The following LRBA variants were observed in gnomAD, a reference collection of about 807,000 sequenced individuals.
LRBA encodes the protein LPS responsive beige-like anchor protein.
A neutral mutation model predicts 330.0 loss-of-function variants in LRBA; 176 were observed. The ratio of observed to expected loss-of-function variants is 0.53; its 90% CI spans 0.47 to 0.60. LRBA has a LOEUF of 0.60. Among genes scored for constraint, LRBA ranks in the 20% least tolerant of loss-of-function variants. The pLI is 0.00. For missense variants in LRBA, 3,259 were observed against 3,444.8 expected (o/e 0.95, Z 1.35); for synonymous variants, 1,230 against 1,193.0 (o/e 1.03, Z -0.64).
intron 39 of LRBA, among the ~76,000 whole-genome samples, 175 bp downstream of exon 39, chr4:150,590,538 T>C (rs1003182402): frequency 6.6e-6 from 1 of 152,062 alleles, no homozygotes; most frequent in African/African-American, 2.4e-5. Context: ...GAAGACTGAA[T>C]AGAATAGAAA....
chr4:150,661,121 G>C (rs1416452006), intron 37 of LRBA, among the ~76,000 whole-genome samples: 1 of 144,246 alleles, frequency 6.9e-6, no homozygotes, highest in Non-Finnish European at 1.5e-5. Context: ...GAGGGTTACA[G>C]TGTATACCCT....
At chr4:150,812,918 T>C (rs1260558977) in intron 31 of LRBA, among the ~76,000 whole-genome samples, 4 of 151,758 alleles carry the variant, frequency 2.6e-5, no homozygotes, top group African/African-American at 2.4e-5. Flanking sequence ...AGAAGGGATA[T>C]GGGTGAAAGT....
intron 35 of LRBA, among the ~76,000 whole-genome samples, chr4:150,760,859 A>G (rs1461886792): frequency 2.0e-5 from 3 of 152,204 alleles, no homozygotes; most frequent in Non-Finnish European, 4.4e-5. Flanking sequence ...TTTCTGAAGG[A>G]AAGGATTTTA....
At chr4:150,658,507 CT>C (rs537133232) in intron 37 of LRBA, among the ~76,000 whole-genome samples, 11 of 512 alleles carry the variant, frequency 0.021, no homozygotes, top group East Asian at 0.5. Flanking sequence ...AAATAAAAGT[CT>C]CCCTCTCCCT....
chr4:150,906,249 A>G (rs781213062), intron 12 of LRBA, 48 bp downstream of exon 12: 5 of 1,187,192 alleles, frequency 4.2e-6, no homozygotes, highest in South Asian at 3.9e-5. Flanking sequence ...GAACAAATGT[A>G]TGGCCTGTAA....
chr4:150,294,727 G>A lies in LRBA; in HGVS notation c.8017+7898C>T, dbSNP rs561109335. On this transcript the variant is annotated intron_variant, in intron 53 of 56. Transcript: ENST00000651943. ...AGCACTTTGGGAGGCCAAGGTGGGC[G>A]GATCACAAGGTCAGGAGATTGAGAC... Among the ~76,000 whole-genome samples, 33 of 152,232 alleles carry A rather than the reference G, an allele frequency of 2.2e-4. No homozygotes were observed. The East Asian group carries it at 5.4e-3, about 25-fold the overall frequency.
At chr4:150,299,373 A>G (rs138290882) in intron 53 of LRBA, among the ~76,000 whole-genome samples, 1 of 152,214 alleles carries the variant, frequency 6.6e-6, no homozygotes, top group African/African-American at 2.4e-5. Flanking sequence ...CAAAGATGAA[A>G]AACTATCTGG....
At chr4:150,674,890 CAAG>C (rs1281386724) in intron 37 of LRBA, among the ~76,000 whole-genome samples, 2 of 151,844 alleles carry the variant, frequency 1.3e-5, no homozygotes, top group East Asian at 1.9e-4. Context: ...GAAAAAACCA[CAAG>C]AACAAAAACC....
intron 36 of LRBA, among the ~76,000 whole-genome samples, chr4:150,705,625 T>C (rs927900920): frequency 6.6e-6 from 1 of 151,834 alleles, no homozygotes; most frequent in African/African-American, 2.4e-5. Context: ...TCTGGCAAGA[T>C]TAAAGAAAAA....
At chr4:150,547,665 G>A (rs1400347954) in intron 40 of LRBA, among the ~76,000 whole-genome samples, 1 of 152,040 alleles carries the variant, frequency 6.6e-6, no homozygotes, top group East Asian at 1.9e-4. Flanking sequence ...TTGGGAGCAG[G>A]GTGGTGTATA....
intron 40 of LRBA, among the ~76,000 whole-genome samples, chr4:150,561,180 C>A (rs1196906586): frequency 1.3e-5 from 2 of 152,124 alleles, no homozygotes; most frequent in South Asian, 2.1e-4. Flanking sequence ...TAATTTAAAT[C>A]TGTTCTTAAT....
At chr4:150,805,592 A>AG (rs1742645362) in intron 33 of LRBA, among the ~76,000 whole-genome samples, 1 of 135,908 alleles carries the variant, frequency 7.4e-6, no homozygotes, top group African/African-American at 3.1e-5. Context: ...AAAGGAAAGG[A>AG]AAGGAAAGGA....
chr4:150,422,606 C>T (rs1223100130), intron 46 of LRBA: 1 of 568,746 alleles, frequency 1.8e-6, no homozygotes, highest in Non-Finnish European at 3.2e-6. Flanking sequence ...CATCAGGTTC[C>T]CCAAGGGACA....
At chr4:150,702,527 A>G (rs1434151420) in intron 36 of LRBA, among the ~76,000 whole-genome samples, 1 of 152,190 alleles carries the variant, frequency 6.6e-6, no homozygotes, top group African/African-American at 2.4e-5. Context: ...AAAATATTAC[A>G]AGCTACAGAT....
At chr4:150,883,005 C>T (rs1728568309) in intron 17 of LRBA, among the ~76,000 whole-genome samples, 1 of 152,194 alleles carries the variant, frequency 6.6e-6, no homozygotes, top group African/African-American at 2.4e-5. Context: ...TTACTGATGA[C>T]TATGACACAG....
chr4:150,871,067 A>G (rs1753379800), intron 19 of LRBA, among the ~76,000 whole-genome samples: 1 of 152,004 alleles, frequency 6.6e-6, no homozygotes, highest in African/African-American at 2.4e-5. Flanking sequence ...AACACAGCAA[A>G]ACCCGTCACT....
At chr4:150,997,074 T>C (rs1742738499) in intron 2 of LRBA, among the ~76,000 whole-genome samples, 1 of 152,210 alleles carries the variant, frequency 6.6e-6, no homozygotes, top group African/African-American at 2.4e-5. Flanking sequence ...AAGTTCAGGA[T>C]ACATGTGGCA....
chr4:150,902,286 G>T (rs1382381849), intron 13 of LRBA, among the ~76,000 whole-genome samples: 5 of 152,154 alleles, frequency 3.3e-5, no homozygotes, highest in African/African-American at 1.2e-4. Context: ...CTAGAAAAAT[G>T]ATGGTTGAAA....
intron 42 of LRBA, among the ~76,000 whole-genome samples, chr4:150,485,177 A>AT (rs200125514): frequency 0.011 from 1,709 of 152,008 alleles, 32 homozygotes; most frequent in African/African-American, 0.038. Context: ...ATGCTTACTG[A>AT]TTTTTTGTCT....
Sources: allele counts gnomAD v4.1 joint callset (sites outside exome capture counted in the v4.1 genomes callset), GRCh38; gene constraint gnomAD v4.1.1; transcripts MANE v1.5; gene names NCBI Gene and HGNC (gene_info 2026-07-23, HGNC 2026-07-21).